CNTN6: variants seen among roughly 807,000 people sequenced by gnomAD.
The protein encoded by CNTN6 is contactin 6.
Under a neutral mutation model 122.8 loss-of-function variants are expected in CNTN6, and 137 were observed. The ratio of observed to expected loss-of-function variants is 1.12; its 90% CI spans 0.97 to 1.29. The LOEUF (loss-of-function observed/expected upper bound fraction) is 1.29, where lower values mean the gene tolerates loss of function less well. Among genes scored for constraint, CNTN6 ranks in the 50% most tolerant of loss-of-function variants. The pLI, the probability that CNTN6 is intolerant of heterozygous loss-of-function variation, is 0.00. For synonymous variants in CNTN6, 570 were observed against 426.0 expected, an observed-to-expected ratio of 1.34 and a Z score of -4.16; for missense variants, 1,634 against 1,223.4, an observed-to-expected ratio of 1.34 and a Z score of -5.01.
intron 20 of CNTN6, among the ~76,000 whole-genome samples, chr3:1,394,843 C>G (rs1560032737): frequency 6.6e-6 from 1 of 152,022 alleles, no homozygotes; most frequent in East Asian, 1.9e-4. Context: ...ATCAATTTGT[C>G]AAAGAGTAGG....
intron 20 of CNTN6, among the ~76,000 whole-genome samples, chr3:1,387,725 C>T (rs928206587): frequency 6.6e-6 from 1 of 151,948 alleles, no homozygotes; most frequent in African/African-American, 2.4e-5. Context: ...CAAGCCGAAG[C>T]AGGGCGAGGC....
intron 16 of CNTN6, among the ~76,000 whole-genome samples, chr3:1,374,943 G>A (rs1484182561): frequency 6.6e-6 from 1 of 152,072 alleles, no homozygotes; most frequent in Non-Finnish European, 1.5e-5. Flanking sequence ...GAAGCTTACA[G>A]CTGAGAGGAA....
intron 2 of CNTN6, among the ~76,000 whole-genome samples, chr3:1,202,598 TA>T (rs963120683): frequency 4.0e-5 from 6 of 151,078 alleles, no homozygotes; most frequent in Admixed American, 2.6e-4. Flanking sequence ...ACAAATAAAA[TA>T]AAATAAAATT....
chr3:1,158,879 CAT>C lies in CNTN6; in HGVS notation c.55+10822_55+10823del, dbSNP rs1210973817. Among the ~76,000 whole-genome samples, 80 of 80,448 alleles carry C rather than the reference CAT, an allele frequency of 9.9e-4. 1 individual carries two copies. Among genetic ancestry groups the C allele is most frequent in the Non-Finnish European group, 1.5e-3 (65 of 42,134 alleles). The allele number at this position is 80,448 out of a possible 152,430, so 52.8% of individuals were successfully genotyped here. A position where few individuals can be genotyped will look rare whatever the true frequency, so the allele number is the denominator to read the frequency against. On this transcript the variant is annotated intron_variant, in intron 2 of 22. Coordinates refer to ENST00000446702, the MANE Select transcript of CNTN6 (RefSeq NM_001289080.2). ...ATATATATACACACATATATATACA[CAT>C]ATATACACACATATATATACACATA... is the stretch of plus-strand genomic sequence containing the variant.
chr3:1,124,689 A>G (rs1005029133), intron 1 of CNTN6, among the ~76,000 whole-genome samples: 13 of 122,714 alleles, frequency 1.1e-4, no homozygotes, highest in African/African-American at 3.6e-4. Flanking sequence ...ACATTATTGA[A>G]ATTTTTTTTA....
intron 4 of CNTN6, among the ~76,000 whole-genome samples, chr3:1,271,197 A>G (rs2095020662): frequency 6.6e-6 from 1 of 152,190 alleles, no homozygotes. Flanking sequence ...AGCATCTGGA[A>G]TTAAATTTTA....
At chr3:1,365,851 T>G (rs1386654082) in intron 12 of CNTN6, among the ~76,000 whole-genome samples, 1 of 152,136 alleles carries the variant, frequency 6.6e-6, no homozygotes, top group Non-Finnish European at 1.5e-5. Flanking sequence ...TCTTTCTTTC[T>G]TGAAGTATTA....
chr3:1,341,708 A>G lies in CNTN6; in HGVS notation c.1365-10616A>G, dbSNP rs138697512. Among the ~76,000 whole-genome samples the G allele has an allele frequency of 3.1e-3, 477 of 152,332 alleles. 3 individuals are homozygous for G. Among genetic ancestry groups the G allele is most frequent in the African/African-American group, 0.011 (448 of 41,588 alleles). ...TTTTGTGTATATTAAACAAGGTGAC[A>G]CATTATGATAAATTTAGAGGTCTGA... On this transcript the variant is annotated intron_variant, in intron 11 of 22. Transcript: ENST00000446702.
Position 1,294,669 on chromosome 3 carries a change from G to A in CNTN6, c.455-932G>A, listed in dbSNP as rs557789733. Among the ~76,000 whole-genome samples the A allele has an allele frequency of 5.3e-5, 8 of 152,292 alleles. No individual in the cohort carries two copies. In the South Asian group the frequency reaches 6.2e-4, roughly 12 times the overall value. On this transcript the variant is annotated intron_variant, in intron 5 of 22. Transcript: ENST00000446702. ...TGCCCTGTTTCATGTTTATGCTCTT[G>A]ATAGTTACTCGGAGAAATGCTTGTC...
Position 1,398,695 on chromosome 3 carries a change from A to T in CNTN6, c.2705-2738A>T, listed in dbSNP as rs567452590. Among the ~76,000 whole-genome samples, 7 of 151,582 alleles carry T rather than the reference A, an allele frequency of 4.6e-5. No homozygotes were observed. In the South Asian group the frequency reaches 1.0e-3, roughly 23 times the overall value. On this transcript the variant is annotated intron_variant, in intron 20 of 22. Coordinates refer to ENST00000446702, the MANE Select transcript of CNTN6 (RefSeq NM_001289080.2). ...TTCATATTTTATTTCATATCTCATA[A>T]ATTAGGAGTTATTCGTTTCATTTTA...
At chr3:1,305,427 C>T (rs527413644) in intron 7 of CNTN6, among the ~76,000 whole-genome samples, 1 of 152,316 alleles carries the variant, frequency 6.6e-6, no homozygotes, top group East Asian at 1.9e-4. Context: ...TTTCAACTCT[C>T]AGCTTTGTCT....
chr3:1,207,129 C>A (rs1323419846), intron 2 of CNTN6, among the ~76,000 whole-genome samples: 1 of 152,058 alleles, frequency 6.6e-6, no homozygotes, highest in Non-Finnish European at 1.5e-5. Context: ...TAACAGAAAC[C>A]TCAAACTCAA....
chr3:1,198,105 A>C (rs1387802476), intron 2 of CNTN6, among the ~76,000 whole-genome samples: 1 of 152,146 alleles, frequency 6.6e-6, no homozygotes, highest in African/African-American at 2.4e-5. Flanking sequence ...AATGAAGTGA[A>C]CTTCATTCTA....
intron 2 of CNTN6, among the ~76,000 whole-genome samples, chr3:1,153,666 A>G (rs2092898555): frequency 6.6e-6 from 1 of 152,254 alleles, no homozygotes; most frequent in African/African-American, 2.4e-5. Context: ...ATTGGAAAGT[A>G]TTTATGATTG....
intron 19 of CNTN6, among the ~76,000 whole-genome samples, chr3:1,384,212 A>G (rs73097103): frequency 0.068 from 10,348 of 152,230 alleles, 483 homozygotes; most frequent in African/African-American, 0.13. Flanking sequence ...CAGATCTCAT[A>G]TTAAGTGTTC....
At chr3:1,274,150 T>C (rs549730023) in intron 4 of CNTN6, among the ~76,000 whole-genome samples, 11 of 146,968 alleles carry the variant, frequency 7.5e-5, no homozygotes, top group Non-Finnish European at 1.0e-4. Context: ...GAAACAATGA[T>C]TTCAATATAT....
At chr3:1,321,926 T>C (rs1575695018) in intron 8 of CNTN6, 92 bp downstream of exon 8, 2 of 1,134,504 alleles carry the variant, frequency 1.8e-6, no homozygotes, top group East Asian at 5.1e-5. Flanking sequence ...TGAAAAAGTG[T>C]CACGGGAGAA....
chr3:1,163,099 C>A (rs751520008), intron 2 of CNTN6, among the ~76,000 whole-genome samples: 2 of 152,092 alleles, frequency 1.3e-5, no homozygotes, highest in Non-Finnish European at 2.9e-5. Flanking sequence ...AGATGAGAAG[C>A]GTTACACAGT....
At chr3:1,148,910 T>C (rs1271041854) in intron 2 of CNTN6, among the ~76,000 whole-genome samples, 1 of 152,136 alleles carries the variant, frequency 6.6e-6, no homozygotes, top group African/African-American at 2.4e-5. Context: ...TCTGGGTTCT[T>C]TTACATGGTG....
Sources: allele counts gnomAD v4.1 joint callset (sites outside exome capture counted in the v4.1 genomes callset), GRCh38; gene constraint gnomAD v4.1.1; transcripts MANE v1.5; gene names NCBI Gene and HGNC (gene_info 2026-07-23, HGNC 2026-07-21).